FAAP20: variants seen among roughly 807,000 people sequenced by gnomAD.
The protein encoded by FAAP20 is FA core complex associated protein 20.
In FAAP20, 12 loss-of-function variants were observed where a neutral mutation model predicts 16.2. The observed-to-expected ratio is 0.74, with a 90% CI of 0.48 to 1.20. The LOEUF (loss-of-function observed/expected upper bound fraction) is 1.20, where lower values mean the gene tolerates loss of function less well. FAAP20 is among the 50% of genes most tolerant of loss of function. FAAP20 has a pLI of 0.00. For missense variants in FAAP20, 288 were observed against 245.8 expected (o/e 1.17, Z -1.15); for synonymous variants, 141 against 110.7 (o/e 1.27, Z -1.72).
upstream of FAAP20, among the ~76,000 whole-genome samples, chr1:2,197,829 T>C (rs1161705833): frequency 6.6e-6 from 1 of 152,124 alleles, no homozygotes; most frequent in Non-Finnish European, 1.5e-5. Context: ...AGAAAGGCAC[T>C]GGGGTGACCT....
At chr1:2,187,891 C>G (rs534381792), downstream of FAAP20, among the ~76,000 whole-genome samples, 1 of 152,316 alleles carries the variant, frequency 6.6e-6, no homozygotes, top group African/African-American at 2.4e-5. Flanking sequence ...GCCCATGCCC[C>G]GGAGACCTCC....
chr1:2,190,577 T>TTGACTTCCGGCCA (rs1688100085), intron 3 of FAAP20: 1 of 365,842 alleles, frequency 2.7e-6, no homozygotes, highest in Non-Finnish European at 5.5e-6. Context: ...GCCAGGACAG[T>TTGACTTCCGGCCA]TGACTTCCGG....
chr1:2,192,504 G>C, intron 3 of FAAP20: 1 of 996,770 alleles, frequency 1.0e-6, no homozygotes, highest in Non-Finnish European at 1.2e-6. Flanking sequence ...TGGAAAAGCA[G>C]GCGATGCAAA....
At chr1:2,192,865 G>A (rs1247951718) in intron 3 of FAAP20, 2 of 1,289,436 alleles carry the variant, frequency 1.6e-6, no homozygotes, top group Non-Finnish European at 1.0e-6. Flanking sequence ...CTCTCAAAGG[G>A]CTGGGATTAC....
intron 3 of FAAP20, chr1:2,190,161 C>T: frequency 2.0e-6 from 1 of 491,802 alleles, no homozygotes; most frequent in Non-Finnish European, 4.0e-6. Flanking sequence ...CCAGGGAGAG[C>T]CGCCGCGGCT....
rs367968372 is a variant in FAAP20 at position 2,189,623 on chromosome 1, G to T, written c.*86C>A. The T allele has an allele frequency of 2.5e-3, 2,529 of 1,020,380 alleles. 42 individuals carry two copies. The African/African-American group carries it at 0.036, about 14-fold the overall frequency. 63.2% of individuals were successfully genotyped at this position (1,020,380 alleles called of 1,614,324 possible). On this transcript the variant is annotated 3_prime_UTR_variant, in exon 4 of 4. Transcript: ENST00000378546. ...TGCGGGGGAGCCGAGAGGCGGGGCTGCTGGCGGGGGAGCCGAGAGGCGGGG... is the reference window on the plus strand; with the variant it reads ...TGCGGGGGAGCCGAGAGGCGGGGCTTCTGGCGGGGGAGCCGAGAGGCGGGG...
intron 3 of FAAP20, chr1:2,191,882 A>G: frequency 1.0e-6 from 1 of 985,474 alleles, no homozygotes; most frequent in Non-Finnish European, 1.2e-6. Context: ...GGTGTCTGAA[A>G]ATGCACAAAA....
chr1:2,194,906 T>A, upstream of FAAP20: 2 of 663,092 alleles, frequency 3.0e-6, no homozygotes, highest in Non-Finnish European at 3.8e-6. Flanking sequence ...GTAGGGAAAC[T>A]GAGGCCAGGG....
chr1:2,200,991 C>T, upstream of FAAP20: 1 of 1,248,928 alleles, frequency 8.0e-7, no homozygotes, highest in Non-Finnish European at 1.0e-6. Flanking sequence ...TGGGGACAGC[C>T]CTTGATGTCC....
downstream of FAAP20, among the ~76,000 whole-genome samples, chr1:2,211,419 ATATATATATATATATATTTTTTTTTT>A (rs1689436767): frequency 5.8e-5 from 1 of 17,148 alleles, no homozygotes; most frequent in Non-Finnish European, 9.0e-5. Flanking sequence ...ATATATATAT[ATATATATATATATATATTTTTTTTTT>A]TTTTTTTTTT....
chr1:2,199,759 G>T, upstream of FAAP20: 2 of 462,784 alleles, frequency 4.3e-6, no homozygotes, highest in Non-Finnish European at 5.7e-6. The surrounding 1 kb of genome is among the most constrained non-coding windows in gnomAD (Gnocchi z 4.5). Context: ...GGCCCTGAAT[G>T]CAGTGTGAGC....
At chr1:2,208,271 C>G (rs1689339977), downstream of FAAP20, among the ~76,000 whole-genome samples, 1 of 152,062 alleles carries the variant, frequency 6.6e-6, no homozygotes, top group Non-Finnish European at 1.5e-5. Context: ...CAGGGGTGTC[C>G]TCTCAGCCCT....
chr1:2,195,117 C>A (rs1031032206), upstream of FAAP20, among the ~76,000 whole-genome samples: 8 of 152,202 alleles, frequency 5.3e-5, no homozygotes, highest in African/African-American at 1.7e-4. Flanking sequence ...TCCGGCTCTG[C>A]GGAGCCGCCT....
chr1:2,206,830 C>CAAA lies in FAAP20; in HGVS notation n.179-166_179-164dup, dbSNP rs57221891. Among the ~76,000 whole-genome samples the CAAA allele has an allele frequency of 2.7e-3, 238 of 89,778 alleles. 3 individuals carry two copies. Among genetic ancestry groups the CAAA allele is most frequent in the Non-Finnish European group, 4.0e-3 (181 of 45,226 alleles). 58.9% of individuals were successfully genotyped at this position (89,778 alleles called of 152,430 possible). A position where few individuals can be genotyped will look rare whatever the true frequency, so the allele number is the denominator to read the frequency against. On this transcript the variant is annotated intron_variant and non_coding_transcript_variant, in intron 1 of 7. Transcript: ENST00000469733. The stretch of plus-strand genomic sequence containing the variant: ...CCTGGGCAACGGAGCGAGACTGTCT[C>CAAA]AAAAAAAAAAAAAAAAAAGGCTCTG...
chr1:2,209,345 C>T (rs553689360), downstream of FAAP20, among the ~76,000 whole-genome samples: 1 of 152,350 alleles, frequency 6.6e-6, no homozygotes, highest in South Asian at 2.1e-4. Flanking sequence ...TCGTCTATTC[C>T]TTTTAAGAAC....
chr1:2,192,906 TTTGTTG>T (rs142041547), intron 3 of FAAP20: 5 of 1,302,216 alleles, frequency 3.8e-6, no homozygotes, highest in Non-Finnish European at 5.1e-6. Flanking sequence ...GGCCTTTTCT[TTTGTTG>T]TTGTTGTTGT....
Position 2,193,746 on chromosome 1 carries a change from G to A in FAAP20, c.363C>T (p.Arg121=), listed in dbSNP as rs752478314. Reference sequence around the variant, plus strand: ...GGGCCCTGCAGGGATCAGGTGCCGGGCGCTGGGGCAGGGACCTGGCGGGGG... The same window carrying A: ...GGGCCCTGCAGGGATCAGGTGCCGGACGCTGGGGCAGGGACCTGGCGGGGG... ...LESPARSLPQ[R]PAPDPCRAPR... Residue 121 remains arginine, a synonymous_variant, in exon 3 of 4, where the codon CGC becomes CGT. Coordinates refer to ENST00000378546, the MANE Select transcript of FAAP20 (RefSeq NM_182533.4). The A allele has an allele frequency of 6.3e-7, 1 of 1,591,630 alleles. No individual in the cohort carries two copies. Among genetic ancestry groups the A allele is most frequent in the African/African-American group, 1.4e-5 (1 of 73,382 alleles).
chr1:2,186,900 A>G (rs262685), downstream of FAAP20: 78,541 of 201,644 alleles, frequency 0.39, 15,566 homozygotes, highest in Admixed American at 0.42. Flanking sequence ...TGTACACAAT[A>G]TGTGAGTAAT....
chr1:2,192,531 CGGGGGGCGGGGGG>C (rs982217463), intron 3 of FAAP20: 69 of 1,004,068 alleles, frequency 6.9e-5, no homozygotes, highest in Non-Finnish European at 8.0e-5. Flanking sequence ...AGCCCCTCCC[CGGGGGGCGGGGGG>C]CAGCACCCTG....
Sources: gnomAD v4.1 joint callset for allele counts (sites outside exome capture counted in the v4.1 genomes callset) on GRCh38, gnomAD v4.1.1 for gene constraint, Gnocchi (gnomAD v3.1) non-coding constraint, MANE v1.5 for transcripts, NCBI Gene and HGNC (gene_info 2026-07-23, HGNC 2026-07-21) for gene names.